Variants in ABCD3 observed in about 807,000 individuals in gnomAD.
ABCD3 encodes ATP-binding cassette sub-family D member 3.
In ABCD3, 41 loss-of-function variants were observed where a neutral mutation model predicts 105.5. That is an observed-to-expected ratio of 0.39 (90% CI 0.30 to 0.50). The LOEUF is 0.50. ABCD3 is among the 20% of genes least tolerant of loss of function. The probability of loss-of-function intolerance (pLI) is 0.84; values close to 1 mark genes in which losing one functional copy is unlikely to be tolerated. For synonymous variants in ABCD3, 258 were observed against 269.0 expected, an observed-to-expected ratio of 0.96 and a Z score of 0.40; for missense variants, 622 against 806.3, an observed-to-expected ratio of 0.77 and a Z score of 2.77.
At chr1:94,488,761 T>C (rs961280824) in intron 13 of ABCD3, among the ~76,000 whole-genome samples, 2 of 152,080 alleles carry the variant, frequency 1.3e-5, no homozygotes, top group Non-Finnish European at 2.9e-5. Flanking sequence ...ACTTTTCTTA[T>C]GGCTTTACAG....
At chr1:94,484,344 T>C (rs1649177549) in intron 10 of ABCD3, among the ~76,000 whole-genome samples, 1 of 152,224 alleles carries the variant, frequency 6.6e-6, no homozygotes, top group East Asian at 1.9e-4. Context: ...ACACATACGT[T>C]TATTGTGGCA....
chr1:94,422,256 C>T (rs1029274172), intron 1 of ABCD3, among the ~76,000 whole-genome samples: 2 of 152,188 alleles, frequency 1.3e-5, no homozygotes, highest in Non-Finnish European at 2.9e-5. Context: ...CCTGTGCAAG[C>T]GAGCATTACC....
intron 9 of ABCD3, 89 bp downstream of exon 9, chr1:94,480,695 C>G: frequency 7.5e-7 from 1 of 1,340,246 alleles, no homozygotes; most frequent in Non-Finnish European, 1.1e-6. Flanking sequence ...TCTAGTGACA[C>G]TGTTACTGTA....
intron 21 of ABCD3, among the ~76,000 whole-genome samples, chr1:94,508,761 A>G (rs910931309): frequency 1.3e-5 from 2 of 152,112 alleles, no homozygotes; most frequent in Non-Finnish European, 1.5e-5. Context: ...GCAATTGTGA[A>G]TGGGAGTTCA....
At chr1:94,511,981 T>C (rs1267953137) in intron 21 of ABCD3, among the ~76,000 whole-genome samples, 1 of 152,194 alleles carries the variant, frequency 6.6e-6, no homozygotes, top group Non-Finnish European at 1.5e-5. Context: ...TGAAGCCTTC[T>C]TCTCTCAGCT....
chr1:94,437,222 C>T (rs1180680077), intron 1 of ABCD3, among the ~76,000 whole-genome samples: 1 of 152,158 alleles, frequency 6.6e-6, no homozygotes, highest in African/African-American at 2.4e-5. Flanking sequence ...TCAATGTAGA[C>T]AAAACAGCTA....
chr1:94,417,895 C>T (rs75482379), upstream of ABCD3, among the ~76,000 whole-genome samples: 1,259 of 152,324 alleles, frequency 8.3e-3, 14 homozygotes, highest in African/African-American at 0.029. Context: ...ATTCTCCTCA[C>T]ATCTCCCTAC....
chr1:94,502,851 C>T (rs1650165529), intron 20 of ABCD3, among the ~76,000 whole-genome samples: 1 of 152,084 alleles, frequency 6.6e-6, no homozygotes, highest in African/African-American at 2.4e-5. Flanking sequence ...CAAGCAAAGA[C>T]AGCTAGTAAA....
chr1:94,402,876 G>A, the ABCD3 span, among the ~76,000 whole-genome samples: 1 of 150,966 alleles, frequency 6.6e-6, no homozygotes. Context: ...ATATGTATAC[G>A]TGTGCCATGC....
At chr1:94,393,288 AGAG>A in the ABCD3 span, among the ~76,000 whole-genome samples, 1 of 152,068 alleles carries the variant, frequency 6.6e-6, no homozygotes, top group East Asian at 1.9e-4. Flanking sequence ...TGGAAGAGAA[AGAG>A]GAGGAGAAAG....
At chr1:94,394,645 A>C in the ABCD3 span, among the ~76,000 whole-genome samples, 1 of 152,294 alleles carries the variant, frequency 6.6e-6, no homozygotes, top group South Asian at 2.1e-4. Context: ...GCTGACAAGG[A>C]ATGTTCAGGG....
At chr1:94,480,714 C>A in intron 9 of ABCD3, 108 bp downstream of exon 9, 1 of 1,153,288 alleles carries the variant, frequency 8.7e-7, no homozygotes, top group Non-Finnish European at 1.3e-6. Flanking sequence ...TAATAATGTG[C>A]ATATTGTGTT....
At position 94,480,531 on chromosome 1, in the gene ABCD3, T is replaced by C; in HGVS notation, c.752T>C (p.Ile251Thr). The C allele has an allele frequency of 6.2e-7, 1 of 1,613,890 alleles. No homozygotes were observed. Among genetic ancestry groups the C allele is most frequent in the Non-Finnish European group, 8.5e-7 (1 of 1,179,852 alleles). ...GLFLTRLRRP[I>T]GKMTITEQKY... The stretch of plus-strand genomic sequence containing the variant: ...TTCCTAACTCGACTTCGAAGACCCA[T>C]TGGTAAGATGACAATAACTGAGCAA... The change falls in exon 9 of 23, where the codon ATT becomes ACT. Residue 251 changes from isoleucine to threonine, a missense_variant. Transcript: ENST00000370214.
chr1:94,408,367 G>A, the ABCD3 span, among the ~76,000 whole-genome samples: 4 of 151,904 alleles, frequency 2.6e-5, no homozygotes, highest in African/African-American at 9.7e-5. Flanking sequence ...GGGATCACTT[G>A]AGGTGAGGAG....
chr1:94,448,449 T>C (rs1428929163), intron 1 of ABCD3, among the ~76,000 whole-genome samples: 1 of 152,234 alleles, frequency 6.6e-6, no homozygotes, highest in African/African-American at 2.4e-5. Context: ...GCTGAGAATG[T>C]TTTTACAGAT....
At chr1:94,386,276 C>T in the ABCD3 span, among the ~76,000 whole-genome samples, 1 of 152,156 alleles carries the variant, frequency 6.6e-6, no homozygotes, top group Non-Finnish European at 1.5e-5. Context: ...CAACAGGCTT[C>T]TTGGAAGAAA....
intron 21 of ABCD3, among the ~76,000 whole-genome samples, chr1:94,510,244 T>C (rs905355684): frequency 6.6e-6 from 1 of 152,096 alleles, no homozygotes; most frequent in African/African-American, 2.4e-5. Flanking sequence ...CATTTCGTTA[T>C]GTACCCATTA....
intron 1 of ABCD3, among the ~76,000 whole-genome samples, chr1:94,431,295 T>C (rs1384525022): frequency 6.6e-6 from 1 of 152,206 alleles, no homozygotes; most frequent in East Asian, 1.9e-4. Context: ...AGGAAGTAGC[T>C]TGGCCTGAGA....
intron 16 of ABCD3, among the ~76,000 whole-genome samples, chr1:94,495,966 T>C (rs1403358761): frequency 6.6e-6 from 1 of 152,228 alleles, no homozygotes; most frequent in African/African-American, 2.4e-5. Flanking sequence ...AATGATTCTT[T>C]ATCAGAAAAA....
Sources: allele counts gnomAD v4.1 joint callset (sites outside exome capture counted in the v4.1 genomes callset), GRCh38; gene constraint gnomAD v4.1.1; transcripts MANE v1.5; gene names NCBI Gene and HGNC (gene_info 2026-07-23, HGNC 2026-07-21).